SORCS2: variants seen among roughly 807,000 people sequenced by gnomAD.
SORCS2 encodes VPS10 domain-containing receptor SorCS2.
SORCS2 carries 100 observed loss-of-function variants against 141.6 expected under a neutral mutation model. That is an observed-to-expected ratio of 0.71 (90% CI 0.60 to 0.83). The LOEUF is 0.83. SORCS2 is among the 40% of genes least tolerant of loss of function. The pLI is 0.00. For synonymous variants in SORCS2, 789 were observed against 676.9 expected (o/e 1.17, Z -2.57); for missense variants, 1,646 against 1,560.2 (o/e 1.05, Z -0.93).
intron 3 of SORCS2, among the ~76,000 whole-genome samples, chr4:7,541,179 G>T (rs1275749857): frequency 6.6e-6 from 1 of 152,218 alleles, no homozygotes; most frequent in Non-Finnish European, 1.5e-5. Flanking sequence ...GCCATGTCTG[G>T]GCCTGGGCTG....
intron 18 of SORCS2, 90 bp downstream of exon 18, chr4:7,718,273 T>G: frequency 6.8e-7 from 1 of 1,463,326 alleles, no homozygotes; most frequent in Non-Finnish European, 9.2e-7. Flanking sequence ...GGGTGTCTCC[T>G]CCACCTAGAA....
chr4:7,305,498 C>A (rs562088047), intron 1 of SORCS2, among the ~76,000 whole-genome samples: 2 of 152,166 alleles, frequency 1.3e-5, no homozygotes, highest in Non-Finnish European at 2.9e-5. Flanking sequence ...GCTCCCCTCT[C>A]CGTCGTCTGC....
intron 3 of SORCS2, among the ~76,000 whole-genome samples, chr4:7,551,653 C>G (rs373023844): frequency 2.0e-5 from 3 of 152,196 alleles, no homozygotes; most frequent in Non-Finnish European, 4.4e-5. Flanking sequence ...TGAGCTGGGT[C>G]TTCTCTGCTG....
At chr4:7,315,648 C>G (rs1415173476) in intron 1 of SORCS2, among the ~76,000 whole-genome samples, 1 of 152,214 alleles carries the variant, frequency 6.6e-6, no homozygotes, top group Non-Finnish European at 1.5e-5. Context: ...CCCTGCCCCT[C>G]CTATGGTGAT....
intron 2 of SORCS2, among the ~76,000 whole-genome samples, chr4:7,403,997 ATTTTTTTT>A (rs60403055): frequency 1.1e-4 from 2 of 19,006 alleles, no homozygotes; most frequent in African/African-American, 1.5e-4. Context: ...ATATATATAT[ATTTTTTTT>A]TTTTTTTTAG....
At chr4:7,564,644 G>T (rs1714837329) in intron 3 of SORCS2, among the ~76,000 whole-genome samples, 1 of 152,176 alleles carries the variant, frequency 6.6e-6, no homozygotes, top group African/African-American at 2.4e-5. Context: ...CTGGGCCCGA[G>T]CTCACCAGCC....
intron 1 of SORCS2, chr4:7,382,074 G>A: frequency 1.4e-6 from 1 of 727,318 alleles, no homozygotes; most frequent in Non-Finnish European, 1.7e-6. Flanking sequence ...AGGCATGAGG[G>A]GCTCCAAGGC....
At chr4:7,649,570 A>G (rs562336003) in intron 4 of SORCS2, among the ~76,000 whole-genome samples, 28 of 152,214 alleles carry the variant, frequency 1.8e-4, no homozygotes, top group Admixed American at 4.6e-4. Context: ...ACACAGTTGC[A>G]TCTGAAGCGT....
chr4:7,441,337 T>C (rs1727651380), intron 2 of SORCS2, among the ~76,000 whole-genome samples: 4 of 151,904 alleles, frequency 2.6e-5, no homozygotes, highest in African/African-American at 9.7e-5. Flanking sequence ...TGAGCAGCAG[T>C]TGTGGGAAAG....
Position 7,608,479 on chromosome 4 carries a change from C to T in SORCS2, c.649-29849C>T, listed in dbSNP as rs541332340. 9.3e-4 allele frequency among the ~76,000 whole-genome samples: 141 copies of T among 152,336 alleles called. 2 individuals are homozygous for T. Among genetic ancestry groups the T allele is most frequent in the Middle Eastern group, 3.4e-3 (1 of 294 alleles). Reference sequence around the variant, plus strand: ...CTGAGCCCCTTGTTTCCCAGGACAACACCTGGCATGTAGCTGTCACTGAAA... The same window carrying T: ...CTGAGCCCCTTGTTTCCCAGGACAATACCTGGCATGTAGCTGTCACTGAAA... On this transcript the variant is annotated intron_variant, in intron 3 of 26. Transcript: ENST00000507866.
At chr4:7,229,920 T>G (rs975082624) in intron 1 of SORCS2, among the ~76,000 whole-genome samples, 3 of 149,232 alleles carry the variant, frequency 2.0e-5, no homozygotes, top group African/African-American at 7.5e-5. Context: ...GATGGTCAAG[T>G]CTTCGAGTCT....
At chr4:7,571,101 C>G (rs1435847103) in intron 3 of SORCS2, among the ~76,000 whole-genome samples, 1 of 152,236 alleles carries the variant, frequency 6.6e-6, no homozygotes, top group Non-Finnish European at 1.5e-5. Flanking sequence ...GTTACAGCAG[C>G]CCCCAGCCCT....
chr4:7,607,392 C>T (rs1183984381), intron 3 of SORCS2, among the ~76,000 whole-genome samples: 6 of 152,110 alleles, frequency 3.9e-5, no homozygotes, highest in Non-Finnish European at 5.9e-5. Context: ...TTTTGTTCTG[C>T]AGCCTGCCCC....
chr4:7,462,510 A>C (rs1729372011), intron 2 of SORCS2, among the ~76,000 whole-genome samples: 1 of 151,834 alleles, frequency 6.6e-6, no homozygotes. Flanking sequence ...CCCTCAGTGT[A>C]CTCCAGAGAC....
chr4:7,564,159 T>G (rs2109684265), intron 3 of SORCS2, among the ~76,000 whole-genome samples: 2 of 152,346 alleles, frequency 1.3e-5, no homozygotes, highest in Admixed American at 1.3e-4. Flanking sequence ...GCCATGAGGC[T>G]GCAGGCCCAG....
rs1247712298 is a variant in SORCS2 at position 7,495,707 on chromosome 4, C to T, written c.549-35823C>T. Among the ~76,000 whole-genome samples, 4 of 152,220 alleles carry T rather than the reference C, an allele frequency of 2.6e-5. No homozygotes were observed. The East Asian group carries it at 5.8e-4, about 22-fold the overall frequency. On this transcript the variant is annotated intron_variant, in intron 2 of 26. Coordinates refer to ENST00000507866, the MANE Select transcript of SORCS2 (RefSeq NM_020777.3). Reference sequence around the variant, plus strand: ...GAAACTGAGGTCACGAAGAAGGGAGCGGCCTCTCGTCTCCATGATCCTGAT... The same window carrying T: ...GAAACTGAGGTCACGAAGAAGGGAGTGGCCTCTCGTCTCCATGATCCTGAT...
intron 25 of SORCS2, among the ~76,000 whole-genome samples, chr4:7,734,888 G>A (rs1292192246): frequency 6.6e-6 from 1 of 152,236 alleles, no homozygotes; most frequent in Non-Finnish European, 1.5e-5. Context: ...AGGGCTCTGG[G>A]TGTCCCCGTG....
At chr4:7,707,586 G>T (rs113526549) in intron 14 of SORCS2, among the ~76,000 whole-genome samples, 7 of 152,208 alleles carry the variant, frequency 4.6e-5, no homozygotes, top group African/African-American at 1.7e-4. Flanking sequence ...TGGGCTGCCT[G>T]GCCCTCACCC....
chr4:7,304,344 G>T lies in SORCS2; in HGVS notation c.481-91944G>T, dbSNP rs115251660. Among the ~76,000 whole-genome samples the T allele has an allele frequency of 4.9e-3, 742 of 152,258 alleles. 8 individuals carry two copies. The highest frequency in any genetic ancestry group is 0.017 in the African/African-American group (686 of 41,546). ...GTGATGGTTGGTGCTCCCTCTGTCT[G>T]TCCTTCTGCCCTTCCCTCCCTCTTT... On this transcript the variant is annotated intron_variant, in intron 1 of 26. Coordinates refer to ENST00000507866, the MANE Select transcript of SORCS2 (RefSeq NM_020777.3).
Sources: gnomAD v4.1 joint callset for allele counts (sites outside exome capture counted in the v4.1 genomes callset) on GRCh38, gnomAD v4.1.1 for gene constraint, MANE v1.5 for transcripts, NCBI Gene and HGNC (gene_info 2026-07-23, HGNC 2026-07-21) for gene names.